CPS1: variants seen among roughly 807,000 people sequenced by gnomAD.
CPS1 encodes the protein carbamoyl-phosphate synthase 1, also known as carbamoyl-phosphate synthase [ammonia], mitochondrial.
CPS1 carries 109 observed loss-of-function variants against 174.6 expected under a neutral mutation model. That is an observed-to-expected ratio of 0.62 (90% CI 0.53 to 0.73). CPS1 has a LOEUF of 0.73. CPS1 is among the 30% of genes least tolerant of loss of function. The pLI is 0.00. For missense variants in CPS1, 1,689 were observed against 1,821.9 expected (o/e 0.93, Z 1.33); for synonymous variants, 637 against 632.0 (o/e 1.01, Z -0.12).
intron 1 of CPS1, among the ~76,000 whole-genome samples, chr2:210,497,889 C>CATAT (rs1401841718): frequency 0.062 from 3,917 of 62,812 alleles, 227 homozygotes; most frequent in East Asian, 0.21. Context: ...ACAATATATA[C>CATAT]ATACATATAT....
In CPS1 at chr2:210,527,713, A is replaced by G. The variant is rs566935768; in HGVS notation, c.4-29006A>G. Among the ~76,000 whole-genome samples the G allele has an allele frequency of 3.9e-5, 6 of 151,976 alleles. No individual in the cohort carries two copies. In the East Asian group the frequency reaches 5.8e-4, roughly 15 times the overall value. ...ATTGTCCATCTTATGGACACGTTCA[A>G]TGTCCATACTTACCCATGAAGTATC... On this transcript the variant is annotated intron_variant, in intron 1 of 38. Coordinates refer to the CPS1 transcript ENST00000430249.
chr2:210,635,857 A>G (rs1475656069), intron 21 of CPS1, among the ~76,000 whole-genome samples: 2 of 152,210 alleles, frequency 1.3e-5, no homozygotes, highest in East Asian at 1.9e-4. Context: ...GCAATAGAAA[A>G]AGCAAATTGA....
intron 1 of CPS1, among the ~76,000 whole-genome samples, chr2:210,522,150 C>A (rs541312760): frequency 6.6e-6 from 1 of 151,904 alleles, no homozygotes; most frequent in Admixed American, 6.6e-5. Context: ...TCTTCACATG[C>A]GAGTGTTGAA....
intron 21 of CPS1, among the ~76,000 whole-genome samples, chr2:210,633,845 G>A (rs1183552803): frequency 1.3e-5 from 2 of 152,148 alleles, no homozygotes; most frequent in Non-Finnish European, 2.9e-5. Flanking sequence ...TGAAGAACCC[G>A]CACTTATGGT....
At chr2:210,656,340 C>T (rs755465734) in intron 29 of CPS1, among the ~76,000 whole-genome samples, 185 bp from the exon 30 acceptor site, 1 of 152,206 alleles carries the variant, frequency 6.6e-6, no homozygotes, top group Non-Finnish European at 1.5e-5. Flanking sequence ...TTAGCTGCCT[C>T]TACAGGAAAT....
In CPS1 at chr2:210,616,423, G is replaced by A. The variant is rs1559108757; in HGVS notation, c.2569G>A (p.Ala857Thr). ...AAAGTATCTCTTCTCCTCTTGGCAG[G>A]CCATTGATGACAACATGTCCCTTGA... ...SSTRIYAIAK[A>T]IDDNMSLDEI... Residue 857 changes from alanine to threonine, a missense_variant and splice_region_variant, in exon 21 of 38, where the codon GCC becomes ACC. By Grantham distance (58) the Ala-to-Thr change is moderately conservative. Transcript: ENST00000233072. 1.2e-6 allele frequency: 2 copies of A among 1,600,092 alleles called. No individual in the cohort carries two copies. The highest frequency in any genetic ancestry group is 3.3e-5 in the Admixed American group (2 of 59,830).
upstream of CPS1, among the ~76,000 whole-genome samples, chr2:210,553,251 C>G (rs2106029542): frequency 6.6e-6 from 1 of 151,798 alleles, no homozygotes; most frequent in African/African-American, 2.4e-5. Context: ...GAAGATAATA[C>G]TTTAGTGTTA....
chr2:210,611,010 A>G lies in CPS1; in HGVS notation c.2392-1107A>G, dbSNP rs530938213. ...TATTTCCTTAATTTTACAGAACAAT[A>G]AAATGTCTGATTTCTGGCAGTCTTT... On this transcript the variant is annotated intron_variant, in intron 19 of 37. Coordinates refer to ENST00000233072, the MANE Select transcript of CPS1 (RefSeq NM_001875.5). Among the ~76,000 whole-genome samples, 14 of 152,070 alleles carry G rather than the reference A, an allele frequency of 9.2e-5. No individual in the cohort carries two copies. In the South Asian group the frequency reaches 2.9e-3, roughly 32 times the overall value.
intron 32 of CPS1, among the ~76,000 whole-genome samples, chr2:210,661,372 C>T (rs990329020): frequency 4.6e-5 from 7 of 151,980 alleles, no homozygotes; most frequent in Admixed American, 2.6e-4. Context: ...ATTTGAATTA[C>T]GTAGATGAAG....
intron 1 of CPS1, among the ~76,000 whole-genome samples, chr2:210,550,930 A>T (rs144253722): frequency 6.6e-6 from 1 of 151,910 alleles, no homozygotes. Flanking sequence ...TAGAATTTTA[A>T]TTTATTCAAT....
intron 21 of CPS1, among the ~76,000 whole-genome samples, chr2:210,630,055 A>C (rs1410814003): frequency 1.3e-5 from 2 of 151,230 alleles, no homozygotes; most frequent in African/African-American, 4.9e-5. Flanking sequence ...CCTGGGAGAG[A>C]GAGCGAGACT....
intron 20 of CPS1, among the ~76,000 whole-genome samples, chr2:210,613,293 T>C (rs1559107085): frequency 2.0e-5 from 3 of 151,970 alleles, no homozygotes; most frequent in Admixed American, 6.6e-5. Context: ...GGAAGGGATA[T>C]TTCCTTAATT....
intron 1 of CPS1, among the ~76,000 whole-genome samples, chr2:210,497,912 A>ATATATCTATATATATCTATATATATC (rs1251023134): frequency 1.1e-4 from 15 of 140,082 alleles, no homozygotes; most frequent in African/African-American, 4.0e-4. Flanking sequence ...ATATATATAT[A>ATATATCTATATATATCTATATATATC]TATATATCTC....
At chr2:210,498,471 T>C (rs1695060376) in intron 1 of CPS1, among the ~76,000 whole-genome samples, 1 of 152,130 alleles carries the variant, frequency 6.6e-6, no homozygotes, top group South Asian at 2.1e-4. Context: ...GTGTTATTGG[T>C]GTATGGAAAT....
chr2:210,625,802 A>G (rs1699682667), intron 21 of CPS1, among the ~76,000 whole-genome samples: 1 of 152,116 alleles, frequency 6.6e-6, no homozygotes, highest in Non-Finnish European at 1.5e-5. Context: ...AGAAACAGGT[A>G]GGTAAAGGTA....
chr2:210,576,550 C>T, intron 3 of CPS1, 60 bp downstream of exon 3: 2 of 1,598,702 alleles, frequency 1.3e-6, no homozygotes, highest in Non-Finnish European at 1.7e-6. Context: ...TTGACTTATT[C>T]TTAAGAATTA....
At chr2:210,537,229 G>C (rs1250477881) in intron 1 of CPS1, among the ~76,000 whole-genome samples, 2 of 152,202 alleles carry the variant, frequency 1.3e-5, no homozygotes, top group African/African-American at 4.8e-5. Flanking sequence ...TCAAACCAAT[G>C]AGTGGTGAGA....
intron 25 of CPS1, among the ~76,000 whole-genome samples, chr2:210,643,120 C>T (rs1200530016): frequency 6.6e-6 from 1 of 152,096 alleles, no homozygotes; most frequent in Non-Finnish European, 1.5e-5. Context: ...CACAAAAGAC[C>T]AGTTAATTCC....
At chr2:210,676,860 C>A in intron 36 of CPS1, 147 bp from the exon 37 acceptor site, 1 of 702,702 alleles carries the variant, frequency 1.4e-6, no homozygotes, top group South Asian at 1.7e-5. Context: ...GTAATTTAAA[C>A]ATCTACTTAG....
Sources: gnomAD v4.1 joint callset for allele counts (sites outside exome capture counted in the v4.1 genomes callset) on GRCh38, gnomAD v4.1.1 for gene constraint, MANE v1.5 for transcripts, NCBI Gene and HGNC (gene_info 2026-07-23, HGNC 2026-07-21) for gene names.